The following NLGN4X variants were observed in gnomAD, a reference collection of about 807,000 sequenced individuals.
NLGN4X encodes the protein neuroligin 4 X-linked, also known as neuroligin-4, X-linked.
Under a neutral mutation model 40.3 loss-of-function variants are expected in NLGN4X, and 3 were observed. The ratio of observed to expected loss-of-function variants is 0.07; its 90% CI spans 0.03 to 0.19. NLGN4X has a LOEUF of 0.19. Ranked by LOEUF, NLGN4X falls within the 10% of genes least tolerant of loss-of-function variation. The pLI is 1.00. For synonymous variants in NLGN4X, 270 were observed against 306.8 expected (o/e 0.88, Z 1.25); for missense variants, 382 against 708.3 (o/e 0.54, Z 5.23).
chrX:6,210,880 G>A (rs370739748), intron 1 of NLGN4X, among the ~76,000 whole-genome samples: 1 of 112,440 alleles, frequency 8.9e-6, no homozygotes, highest in South Asian at 3.7e-4. Context: ...CTTTATAGTG[G>A]ATGATACAGA....
intron 1 of NLGN4X, among the ~76,000 whole-genome samples, chrX:6,172,490 G>A (rs370619100): frequency 1.8e-5 from 2 of 111,017 alleles, no homozygotes; most frequent in Non-Finnish European, 3.8e-5. Context: ...CCTCATAATC[G>A]TTCTCCAATC....
chrX:6,031,908 T>C (rs146654352), intron 2 of NLGN4X, among the ~76,000 whole-genome samples: 293 of 110,776 alleles, frequency 2.6e-3, no homozygotes, highest in Middle Eastern at 0.014. Context: ...TGGTAGACAA[T>C]GTGTTGAGCA....
At chrX:6,076,570 G>A (rs540131609) in intron 2 of NLGN4X, among the ~76,000 whole-genome samples, 1 of 112,178 alleles carries the variant, frequency 8.9e-6, no homozygotes, top group Admixed American at 9.4e-5. Context: ...TTCCTTAGCA[G>A]CTAAGTAAGA....
At chrX:6,164,235 C>T (rs5961950) in intron 1 of NLGN4X, among the ~76,000 whole-genome samples, 2 of 112,736 alleles carry the variant, frequency 1.8e-5, no homozygotes, top group Non-Finnish European at 3.7e-5. Context: ...TATTTGCCTG[C>T]AATTTAGCAA....
intron 2 of NLGN4X, among the ~76,000 whole-genome samples, chrX:6,102,581 T>C (rs1224853498): frequency 9.1e-6 from 1 of 110,407 alleles, no homozygotes; most frequent in African/African-American, 3.3e-5. Flanking sequence ...TTTGCTCAGT[T>C]ACATAACAAA....
chrX:6,117,963 A>AG (rs1305758291), intron 2 of NLGN4X, among the ~76,000 whole-genome samples: 1 of 111,239 alleles, frequency 9.0e-6, no homozygotes, highest in Non-Finnish European at 1.9e-5. Context: ...GAAAAAAAAA[A>AG]TGAAGCTTTC....
At chrX:6,210,812 T>C (rs753379002) in intron 1 of NLGN4X, among the ~76,000 whole-genome samples, 7 of 112,602 alleles carry the variant, frequency 6.2e-5, no homozygotes, top group Non-Finnish European at 1.3e-4. Context: ...ATTGCAGTGC[T>C]AGACCTTGAC....
intron 3 of NLGN4X, among the ~76,000 whole-genome samples, chrX:6,013,756 G>C (rs2147166108): frequency 9.1e-6 from 1 of 110,493 alleles, no homozygotes; most frequent in Admixed American, 9.7e-5. Flanking sequence ...TTCTCAGGAG[G>C]GTGAGATAGG....
chrX:6,067,440 TCA>T (rs758913698), intron 2 of NLGN4X, among the ~76,000 whole-genome samples: 7 of 108,703 alleles, frequency 6.4e-5, no homozygotes, highest in African/African-American at 1.0e-4. Context: ...TCCCAACAGA[TCA>T]CACACACACA....
chrX:6,093,054 C>A (rs866213469), intron 2 of NLGN4X, among the ~76,000 whole-genome samples: 1 of 104,538 alleles, frequency 9.6e-6, no homozygotes, highest in Non-Finnish European at 2.0e-5. Flanking sequence ...ATGGATAAAG[C>A]AAAAAAAAAA....
At chrX:6,133,242 A>T (rs1290540911) in intron 2 of NLGN4X, among the ~76,000 whole-genome samples, 2 of 110,395 alleles carry the variant, frequency 1.8e-5, no homozygotes, top group Admixed American at 2.0e-4. Context: ...ATCATCATCT[A>T]GTAGTAGTAG....
chrX:6,023,105 G>C (rs1455995553), intron 3 of NLGN4X, among the ~76,000 whole-genome samples: 1 of 111,576 alleles, frequency 9.0e-6, no homozygotes, highest in East Asian at 2.8e-4. Flanking sequence ...GCACCGAAAT[G>C]ATCATTTGAC....
intron 1 of NLGN4X, among the ~76,000 whole-genome samples, chrX:6,221,269 T>C (rs1009156026): frequency 9.6e-6 from 1 of 103,816 alleles, no homozygotes; most frequent in African/African-American, 3.5e-5. Context: ...TTTGTTTCTT[T>C]GTGGAGTTGG....
chrX:6,125,533 T>G (rs1264736791), intron 2 of NLGN4X, among the ~76,000 whole-genome samples: 1 of 109,786 alleles, frequency 9.1e-6, no homozygotes, highest in Non-Finnish European at 1.9e-5. Flanking sequence ...ATAAACAAAG[T>G]TATAAAAAAT....
intron 2 of NLGN4X, among the ~76,000 whole-genome samples, chrX:6,135,145 A>C (rs1258658947): frequency 1.8e-5 from 2 of 111,882 alleles, no homozygotes; most frequent in African/African-American, 6.5e-5. Flanking sequence ...ATTAAATCTC[A>C]GACTATCTCT....
Position 6,217,329 on chromosome X carries a change from T to C in NLGN4X, c.-306+11212A>G, listed in dbSNP as rs1221166039. ...GATCTTACTAGATTAAATGCCTAAA[T>C]ACATTTGATTGTGAAATGACTAGAC... is the stretch of plus-strand genomic sequence containing the variant. On this transcript the variant is annotated intron_variant, in intron 1 of 5. Transcript: ENST00000381095. 2.7e-5 allele frequency among the ~76,000 whole-genome samples: 3 copies of C among 112,226 alleles called. No homozygotes were observed. In the Admixed American group the frequency reaches 2.8e-4, roughly 11 times the overall value.
rs930625574 is a variant in NLGN4X, at chrX:6,082,948, G to GTTTTTTTTTTTTT, written c.473-53517_473-53516insAAAAAAAAAAAAA. Among the ~76,000 whole-genome samples the GTTTTTTTTTTTTT allele has an allele frequency of 5.7e-4, 40 of 70,352 alleles. 5 individuals carry two copies. Among genetic ancestry groups the GTTTTTTTTTTTTT allele is most frequent in the African/African-American group, 1.5e-3 (31 of 20,661 alleles). 61.1% of individuals were successfully genotyped at this position (70,352 alleles called of 115,157 possible). On this transcript the variant is annotated intron_variant, in intron 2 of 5. Coordinates refer to ENST00000381095, the MANE Select transcript of NLGN4X (RefSeq NM_181332.3). Reference sequence around the variant, plus strand: ...AAAAAAAGAGATTTTGCCATGATGCGTTTTTTTCTTTTTTTTTTTTTTTTT... The same window carrying GTTTTTTTTTTTTT: ...AAAAAAAGAGATTTTGCCATGATGCGTTTTTTTTTTTTTTTTTTTTCTTTTTTTTTTTTTTTTT...
intron 2 of NLGN4X, among the ~76,000 whole-genome samples, chrX:6,117,020 T>C (rs12556480): frequency 0.33 from 36,399 of 110,356 alleles, 5,434 homozygotes; most frequent in Middle Eastern, 0.6. Context: ...TCTTCATTAT[T>C]TGGTGAGGAC....
At chrX:6,078,281 T>C in intron 2 of NLGN4X, among the ~76,000 whole-genome samples, 1 of 112,448 alleles carries the variant, frequency 8.9e-6, no homozygotes, top group African/African-American at 3.2e-5. Flanking sequence ...GCATCCTGTT[T>C]GCTATCGTAT....
Sources: gnomAD v4.1 joint callset for allele counts (sites outside exome capture counted in the v4.1 genomes callset) on GRCh38, gnomAD v4.1.1 for gene constraint, MANE v1.5 for transcripts, NCBI Gene and HGNC (gene_info 2026-07-23, HGNC 2026-07-21) for gene names.